VWA8: variants seen among roughly 807,000 people sequenced by gnomAD.
VWA8 encodes the protein von Willebrand factor A domain-containing protein 8.
In VWA8, 221 loss-of-function variants were observed where a neutral mutation model predicts 241.5. The observed-to-expected ratio is 0.91, with a 90% confidence interval of 0.82 to 1.02. VWA8 has a LOEUF of 1.02. VWA8 is among the 50% of genes least tolerant of loss of function. VWA8 has a pLI of 0.00. For missense variants in VWA8, 2,322 were observed against 2,328.7 expected (o/e 1.00, Z 0.06); for synonymous variants, 852 against 827.1 (o/e 1.03, Z -0.52).
intron 35 of VWA8, among the ~76,000 whole-genome samples, chr13:41,675,905 C>CATT (rs1304485800): frequency 6.6e-6 from 1 of 152,030 alleles, no homozygotes; most frequent in African/African-American, 2.4e-5. Flanking sequence ...CAGTATCTGT[C>CATT]ATTATTAGGG....
intron 43 of VWA8, among the ~76,000 whole-genome samples, chr13:41,573,810 T>C (rs1332058295): frequency 6.6e-6 from 1 of 151,276 alleles, no homozygotes; most frequent in East Asian, 1.9e-4. Context: ...TTGGTAGAGA[T>C]GGGATTTCGC....
At chr13:41,927,307 A>G in intron 2 of VWA8, 1 of 524,496 alleles carries the variant, frequency 1.9e-6, no homozygotes, top group Non-Finnish European at 3.9e-6. Context: ...GAATGTAGCA[A>G]CCACTGATAT....
chr13:41,866,543 G>A (rs1054053035), intron 10 of VWA8, among the ~76,000 whole-genome samples: 4 of 151,776 alleles, frequency 2.6e-5, no homozygotes, highest in East Asian at 1.9e-4. Context: ...TTTCAATAGA[G>A]CAGCAACTAT....
chr13:41,675,145 A>G, intron 36 of VWA8, 70 bp downstream of exon 36: 3 of 1,125,226 alleles, frequency 2.7e-6, no homozygotes, highest in East Asian at 5.0e-5. Flanking sequence ...TCATTTATTC[A>G]GAGTACTTAG....
chr13:41,720,626 A>C (rs763767394), intron 25 of VWA8, among the ~76,000 whole-genome samples: 5 of 152,122 alleles, frequency 3.3e-5, no homozygotes, highest in African/African-American at 7.2e-5. Flanking sequence ...GCTGTGCAAT[A>C]GATCTCAAAA....
intron 9 of VWA8, among the ~76,000 whole-genome samples, chr13:41,881,559 G>A (rs1281498374): frequency 2.8e-4 from 42 of 149,302 alleles, no homozygotes; most frequent in African/African-American, 1.0e-3. Flanking sequence ...ATCATGGCCC[G>A]TTCTCAATGA....
At chr13:41,892,936 C>G (rs2138087128) in intron 4 of VWA8, among the ~76,000 whole-genome samples, 1 of 152,310 alleles carries the variant, frequency 6.6e-6, no homozygotes, top group South Asian at 2.1e-4. Flanking sequence ...CTCTCCAACA[C>G]CATCTCCTGA....
intron 37 of VWA8, among the ~76,000 whole-genome samples, chr13:41,650,335 A>C (rs2044861302): frequency 6.6e-6 from 1 of 152,218 alleles, no homozygotes; most frequent in Non-Finnish European, 1.5e-5. Context: ...ATAGCCTAAG[A>C]TCACTGGATA....
intron 31 of VWA8, 113 bp from the exon 32 acceptor site, chr13:41,691,558 TTAAG>T (rs2045177901): frequency 3.7e-6 from 5 of 1,335,952 alleles, no homozygotes; most frequent in African/African-American, 3.0e-5. Context: ...TGTTTTAAGA[TTAAG>T]TAATAATATA....
At chr13:41,778,316 C>T (rs1868711810) in intron 19 of VWA8, among the ~76,000 whole-genome samples, 1 of 152,016 alleles carries the variant, frequency 6.6e-6, no homozygotes, top group Non-Finnish European at 1.5e-5. Flanking sequence ...AATAATTCAA[C>T]TCAAATATTT....
intron 5 of VWA8, among the ~76,000 whole-genome samples, chr13:41,889,952 ATAAAGT>A (rs952851149): frequency 7.2e-5 from 11 of 152,272 alleles, no homozygotes; most frequent in African/African-American, 2.2e-4. Context: ...CTTTTAAAAA[ATAAAGT>A]TAAAAGCTTT....
At chr13:41,770,452 A>AAAG (rs1385411359) in intron 20 of VWA8, among the ~76,000 whole-genome samples, 2 of 151,484 alleles carry the variant, frequency 1.3e-5, no homozygotes, top group Non-Finnish European at 2.9e-5. Context: ...AAAAAAAAAA[A>AAAG]AAAAAGAAAA....
chr13:41,946,145 C>T (rs1382550619), intron 2 of VWA8, among the ~76,000 whole-genome samples: 4 of 149,604 alleles, frequency 2.7e-5, no homozygotes. Context: ...AACCTGTCAA[C>T]CAAGAATTCT....
intron 5 of VWA8, 90 bp from the exon 6 acceptor site, chr13:41,887,451 T>A: frequency 7.3e-7 from 1 of 1,370,024 alleles, no homozygotes; most frequent in African/African-American, 1.5e-5. Flanking sequence ...AGGACTTGAC[T>A]GTTGAGAAAA....
chr13:41,614,889 C>T, intron 38 of VWA8, 87 bp downstream of exon 38: 2 of 1,328,166 alleles, frequency 1.5e-6, no homozygotes, highest in Non-Finnish European at 2.1e-6. Context: ...AAGCCCGTCT[C>T]TGAGTCTTCT....
chr13:41,737,037 C>T (rs1169815885), intron 21 of VWA8, among the ~76,000 whole-genome samples: 1 of 151,780 alleles, frequency 6.6e-6, no homozygotes, highest in East Asian at 1.9e-4. Flanking sequence ...CTCTACCAGG[C>T]CAGGCTGGTC....
intron 12 of VWA8, among the ~76,000 whole-genome samples, chr13:41,855,813 G>A (rs1872724937): frequency 6.6e-6 from 1 of 152,070 alleles, no homozygotes; most frequent in Non-Finnish European, 1.5e-5. Context: ...CAGTAAACGT[G>A]ACTTTAAAAA....
At chr13:41,786,339 C>A (rs1869186567) in intron 18 of VWA8, among the ~76,000 whole-genome samples, 1 of 152,112 alleles carries the variant, frequency 6.6e-6, no homozygotes, top group African/African-American at 2.4e-5. Context: ...GCATGGAAAG[C>A]CAGTACCTCA....
At chr13:41,793,135 T>C (rs1418021272) in intron 17 of VWA8, among the ~76,000 whole-genome samples, 1 of 152,194 alleles carries the variant, frequency 6.6e-6, no homozygotes, top group Non-Finnish European at 1.5e-5. Flanking sequence ...AAGAATTTCC[T>C]TTCTGCTTGT....
Sources: allele counts gnomAD v4.1 joint callset (sites outside exome capture counted in the v4.1 genomes callset), GRCh38; gene constraint gnomAD v4.1.1; transcripts MANE v1.5; gene names NCBI Gene and HGNC (gene_info 2026-07-23, HGNC 2026-07-21).